ZNF337: variants seen among roughly 807,000 people sequenced by gnomAD.
ZNF337 encodes zinc finger protein 337.
In ZNF337, 8 loss-of-function variants were observed where a neutral mutation model predicts 12.1. The observed-to-expected ratio is 0.66, with a 90% CI of 0.39 to 1.19. The LOEUF (loss-of-function observed/expected upper bound fraction) is 1.19. ZNF337 is among the 50% of genes most tolerant of loss of function. ZNF337 has a pLI of 0.01. For synonymous variants in ZNF337, 336 were observed against 320.0 expected, an observed-to-expected ratio of 1.05 and a Z score of -0.53; for missense variants, 882 against 896.6, an observed-to-expected ratio of 0.98 and a Z score of 0.21.
intron 1 of ZNF337, among the ~76,000 whole-genome samples, chr20:25,692,770 C>T (rs2065891939): frequency 6.6e-6 from 1 of 152,028 alleles, no homozygotes; most frequent in South Asian, 2.1e-4. Flanking sequence ...AAATTAGTTA[C>T]CAATAAATTA....
chr20:25,687,820 CTT>C (rs753203993), intron 1 of ZNF337, among the ~76,000 whole-genome samples: 2 of 152,194 alleles, frequency 1.3e-5, no homozygotes, highest in African/African-American at 2.4e-5. Context: ...CTCCTTTTCT[CTT>C]GTCACAGGTG....
intron 1 of ZNF337, among the ~76,000 whole-genome samples, chr20:25,694,833 A>C (rs1476880337): frequency 6.6e-6 from 1 of 152,216 alleles, no homozygotes; most frequent in Non-Finnish European, 1.5e-5. Flanking sequence ...CTTCTTTGAC[A>C]TGTTTTGAAG....
At chr20:25,688,221 T>C (rs558217435) in intron 1 of ZNF337, among the ~76,000 whole-genome samples, 17 of 152,342 alleles carry the variant, frequency 1.1e-4, no homozygotes, top group Admixed American at 5.9e-4. Context: ...TATAAATATG[T>C]ATTTCATTTT....
chr20:25,681,319 C>T (rs2122391200), intron 4 of ZNF337: 1 of 152,262 alleles, frequency 6.6e-6, no homozygotes, highest in Non-Finnish European at 1.5e-5. Context: ...CCTATGTAAA[C>T]TGAGGGAGTG....
At chr20:25,689,630 TA>T (rs2065868007) in intron 1 of ZNF337, among the ~76,000 whole-genome samples, 1 of 152,198 alleles carries the variant, frequency 6.6e-6, no homozygotes, top group East Asian at 1.9e-4. Flanking sequence ...CAACACTGAT[TA>T]AAAATCCTCT....
rs1347160174 is a variant in ZNF337 at position 25,676,350 on chromosome 20, G to A, written c.938C>T (p.Ala313Val). The A allele has an allele frequency of 3.7e-6, 6 of 1,614,020 alleles. No homozygotes were observed. In the Admixed American group the frequency reaches 5.0e-5, roughly 13 times the overall value. ...CACAAAAGGCTTCTCCCCTGAATGC[G>A]CCTTCAAGTGCTTGTTGTATGAGGA... The part of the protein sequence containing the change: ...DKSSYNKHLK[A>V]HSGEKPFVCK... The change falls in exon 5 of 5, where the codon GCG (alanine) becomes GTG (valine). Residue 313 changes from alanine (A) to valine (V), a missense_variant. By Grantham distance (64) the Ala-to-Val change is moderately conservative. Transcript: ENST00000252979.
At chr20:25,689,134 CAAAAAAA>C (rs35337654) in intron 1 of ZNF337, among the ~76,000 whole-genome samples, 6 of 66,978 alleles carry the variant, frequency 9.0e-5, no homozygotes, top group Admixed American at 1.8e-4. Context: ...GACTCCGTCA[CAAAAAAA>C]AAAAAAAAAA....
At chr20:25,680,961 T>TG (rs2065761831) in intron 4 of ZNF337, 1 of 152,226 alleles carries the variant, frequency 6.6e-6, no homozygotes, top group African/African-American at 2.4e-5. Flanking sequence ...GCAATTGATA[T>TG]GGGGGCGAGA....
At chr20:25,690,809 C>T (rs2065876951) in intron 1 of ZNF337, among the ~76,000 whole-genome samples, 1 of 152,170 alleles carries the variant, frequency 6.6e-6, no homozygotes, top group Non-Finnish European at 1.5e-5. Flanking sequence ...AAACCTTCTC[C>T]TCAGATTGAT....
intron 1 of ZNF337, 30 bp from the exon 2 acceptor site, chr20:25,686,496 T>G (rs2065835106): frequency 1.3e-6 from 2 of 1,555,572 alleles, no homozygotes; most frequent in Non-Finnish European, 1.8e-6. Context: ...AGAGGGTGGC[T>G]GGGTGCAGCT....
chr20:25,675,819 C>T lies in ZNF337; in HGVS notation c.1469G>A (p.Cys490Tyr). 1 of 1,614,166 alleles carries T rather than the reference C, an allele frequency of 6.2e-7. No individual in the cohort carries two copies. Among genetic ancestry groups the T allele is most frequent in the Non-Finnish European group, 8.5e-7 (1 of 1,180,042 alleles). The change falls in exon 5 of 5, where the codon TGT becomes TAT. Residue 490 changes from cysteine to tyrosine, a missense_variant. By Grantham distance (194) the Cys-to-Tyr change is radical. Transcript: ENST00000252979. ...CCGAAACCTTCGCCCACACTCCCGA[C>T]ATCCATAAGGCTTCTCCTCTGAGTG... ...RTHSEEKPYG[C>Y]RECGRRFRDK...
In ZNF337 at chr20:25,676,089, CCT is replaced by C. The variant is rs748813055; in HGVS notation, c.1197_1198del (p.Lys402AlafsTer8). 65 of 1,613,858 alleles carry C rather than the reference CCT, an allele frequency of 4.0e-5. No homozygotes were observed. The highest frequency in any genetic ancestry group is 3.3e-4 in the South Asian group (30 of 91,076). On this transcript the variant is annotated frameshift_variant, in exon 5 of 5. Transcript: ENST00000252979. LOFTEE classifies it low-confidence loss of function (END_TRUNC). ...ATCCTTGCACACAAAAGGCTTCTCC[CCT>C]GAGTGTGTTCTCTGGTGTCTGAGGA...
intron 1 of ZNF337, among the ~76,000 whole-genome samples, chr20:25,689,353 A>G (rs2065864525): frequency 6.6e-6 from 1 of 151,894 alleles, no homozygotes; most frequent in Non-Finnish European, 1.5e-5. Context: ...CTCTATGTTC[A>G]CTCTATCCTC....
chr20:25,675,180 T>G lies in ZNF337; in HGVS notation c.2108A>C (p.His703Pro). The change falls in exon 5 of 5, where the codon CAT becomes CCT. Residue 703 changes from histidine (H) to proline (P), a missense_variant. Transcript: ENST00000252979. ...CCTCTCTCCTGTGTGTATTCTTTCA[T>G]GCACAGTGAGGTCTGACTTACTGGT... ...GYTSKSDLTVHERIHTGERPY... is the reference protein window; with the variant it reads ...GYTSKSDLTVPERIHTGERPY... The G allele has an allele frequency of 3.7e-6, 6 of 1,614,258 alleles. No individual in the cohort carries two copies. The highest frequency in any genetic ancestry group is 5.1e-6 in the Non-Finnish European group (6 of 1,180,050).
At chr20:25,688,160 AT>A (rs1231915189) in intron 1 of ZNF337, among the ~76,000 whole-genome samples, 11 of 152,352 alleles carry the variant, frequency 7.2e-5, no homozygotes, top group African/African-American at 2.6e-4. Context: ...TCACAAAGAT[AT>A]TCCCCTACAT....
chr20:25,677,141 T>A, intron 4 of ZNF337, 104 bp from the exon 5 acceptor site: 4 of 978,612 alleles, frequency 4.1e-6, no homozygotes, highest in Non-Finnish European at 5.8e-6. Flanking sequence ...AATAAACTCA[T>A]AAAGAACAAC....
chr20:25,691,670 A>C (rs1306431256), intron 1 of ZNF337, among the ~76,000 whole-genome samples: 1 of 152,186 alleles, frequency 6.6e-6, no homozygotes, highest in Non-Finnish European at 1.5e-5. Flanking sequence ...GAGTGGACCA[A>C]AATGGGGGTG....
At chr20:25,693,354 G>T (rs1464824800) in intron 1 of ZNF337, among the ~76,000 whole-genome samples, 1 of 152,224 alleles carries the variant, frequency 6.6e-6, no homozygotes, top group Non-Finnish European at 1.5e-5. Context: ...TGGGATTACA[G>T]GTATGGGCCA....
intron 1 of ZNF337, among the ~76,000 whole-genome samples, chr20:25,693,830 A>G (rs1465499226): frequency 6.6e-6 from 1 of 152,228 alleles, no homozygotes; most frequent in Non-Finnish European, 1.5e-5. Context: ...CCCTGCAGAC[A>G]GTCCTCTCAC....
Sources: gnomAD v4.1 joint callset for allele counts (sites outside exome capture counted in the v4.1 genomes callset) on GRCh38, gnomAD v4.1.1 for gene constraint, MANE v1.5 for transcripts, NCBI Gene and HGNC (gene_info 2026-07-23, HGNC 2026-07-21) for gene names.